Variants in CDH12 observed in about 807,000 individuals in gnomAD.
CDH12 encodes cadherin-12.
Under a neutral mutation model 74.1 loss-of-function variants are expected in CDH12, and 41 were observed. The observed-to-expected ratio is 0.55, with a 90% CI of 0.43 to 0.72. The LOEUF (loss-of-function observed/expected upper bound fraction) is 0.72, where lower values mean the gene tolerates loss of function less well. CDH12 is among the 30% of genes least tolerant of loss of function. The pLI is 0.00. For missense variants in CDH12, 945 were observed against 977.2 expected (o/e 0.97, Z 0.44); for synonymous variants, 399 against 355.0 (o/e 1.12, Z -1.39).
chr5:21,807,789 G>C (rs1462301372), intron 9 of CDH12, among the ~76,000 whole-genome samples: 2 of 152,016 alleles, frequency 1.3e-5, no homozygotes, highest in Non-Finnish European at 2.9e-5. Flanking sequence ...TTGTGTGAGA[G>C]GCCTGTAAAT....
At chr5:21,829,383 T>C (rs1748878145) in intron 8 of CDH12, among the ~76,000 whole-genome samples, 1 of 152,212 alleles carries the variant, frequency 6.6e-6, no homozygotes, top group South Asian at 2.1e-4. Flanking sequence ...GAAATTAAAA[T>C]TGTATCTTCT....
chr5:22,815,531 A>T (rs1749345069), intron 1 of CDH12, among the ~76,000 whole-genome samples: 1 of 152,132 alleles, frequency 6.6e-6, no homozygotes, highest in Admixed American at 6.5e-5. Flanking sequence ...GCACTTTGGG[A>T]GGCTGAGGGG....
chr5:22,171,388 G>C (rs548904814), intron 4 of CDH12, among the ~76,000 whole-genome samples: 1 of 151,868 alleles, frequency 6.6e-6, no homozygotes, highest in Non-Finnish European at 1.5e-5. Flanking sequence ...TGTAATACCA[G>C]TGACTGACTG....
chr5:22,226,686 C>T (rs1036375940), intron 3 of CDH12, among the ~76,000 whole-genome samples: 3 of 152,102 alleles, frequency 2.0e-5, no homozygotes, highest in African/African-American at 7.2e-5. Context: ...TAACGTGTTA[C>T]ACAGCTTAAG....
At chr5:22,515,293 A>G (rs1032211889) in intron 1 of CDH12, among the ~76,000 whole-genome samples, 1 of 152,118 alleles carries the variant, frequency 6.6e-6, no homozygotes, top group Non-Finnish European at 1.5e-5. Flanking sequence ...ATTTTTCCCC[A>G]TGGAACTTGT....
intron 1 of CDH12, among the ~76,000 whole-genome samples, chr5:22,529,140 T>C (rs895958116): frequency 3.9e-4 from 53 of 135,450 alleles, no homozygotes; most frequent in Admixed American, 8.1e-4. Flanking sequence ...TATATGCATA[T>C]ATATACACAT....
At chr5:22,069,904 AGG>A (rs1741826112) in intron 5 of CDH12, among the ~76,000 whole-genome samples, 2 of 152,158 alleles carry the variant, frequency 1.3e-5, no homozygotes, top group Admixed American at 6.6e-5. Context: ...TCAGAAATTA[AGG>A]TTTTGTCTCC....
intron 3 of CDH12, among the ~76,000 whole-genome samples, chr5:22,282,841 A>T (rs1357379575): frequency 6.6e-6 from 1 of 152,018 alleles, no homozygotes; most frequent in Non-Finnish European, 1.5e-5. Flanking sequence ...TGATTCCTAA[A>T]GGACCTACAA....
intron 2 of CDH12, among the ~76,000 whole-genome samples, chr5:22,497,803 G>A (rs1049804985): frequency 3.3e-5 from 5 of 151,480 alleles, no homozygotes; most frequent in Non-Finnish European, 5.9e-5. Flanking sequence ...CGTCCACACC[G>A]GGATAATTTT....
chr5:22,041,983 A>G (rs1739605284), intron 5 of CDH12, among the ~76,000 whole-genome samples: 1 of 152,224 alleles, frequency 6.6e-6, no homozygotes, highest in Non-Finnish European at 1.5e-5. Flanking sequence ...GTATGAAACT[A>G]GACATCGATG....
At chr5:21,799,554 T>G (rs1579723895) in intron 10 of CDH12, among the ~76,000 whole-genome samples, 1 of 152,110 alleles carries the variant, frequency 6.6e-6, no homozygotes, top group African/African-American at 2.4e-5. Context: ...GGAAAACAGA[T>G]GAGATTATAA....
intron 1 of CDH12, among the ~76,000 whole-genome samples, chr5:22,741,789 G>T (rs150507860): frequency 6.6e-6 from 1 of 152,134 alleles, no homozygotes; most frequent in African/African-American, 2.4e-5. Flanking sequence ...CAAGTGCAAG[G>T]GTTTACCACC....
intron 1 of CDH12, among the ~76,000 whole-genome samples, chr5:22,763,370 C>A (rs1446172708): frequency 6.6e-6 from 1 of 151,746 alleles, no homozygotes; most frequent in Non-Finnish European, 1.5e-5. Flanking sequence ...CACTGTTTAC[C>A]CCCTTTCATG....
intron 1 of CDH12, among the ~76,000 whole-genome samples, chr5:22,850,473 T>G (rs914333643): frequency 1.3e-5 from 2 of 152,098 alleles, no homozygotes; most frequent in Non-Finnish European, 2.9e-5. Flanking sequence ...AATGTATTTT[T>G]GGGTACTATT....
At chr5:22,319,278 G>T (rs958702433) in intron 3 of CDH12, among the ~76,000 whole-genome samples, 1 of 152,188 alleles carries the variant, frequency 6.6e-6, no homozygotes, top group African/African-American at 2.4e-5. Context: ...GAGAAGAATA[G>T]AGTGCAGCAG....
chr5:21,751,643 T>TGTGTGTGTGTGC lies in CDH12; in HGVS notation c.*93_*94insGCACACACACAC. The TGTGTGTGTGTGC allele has an allele frequency of 1.1e-6, 1 of 878,174 alleles. No homozygotes were observed. The highest frequency in any genetic ancestry group is 1.7e-5 in the African/African-American group (1 of 58,924). 54.4% of individuals were successfully genotyped at this position (878,174 alleles called of 1,614,324 possible). A position where few individuals can be genotyped will look rare whatever the true frequency, so the allele number is the denominator to read the frequency against. ...GTGTGTGTGTGTGTTTGTGTGTGTGTGTGTGTGTGAGAGAGATTTCTATTA... is the reference window on the plus strand; with the variant it reads ...GTGTGTGTGTGTGTTTGTGTGTGTGTGTGTGTGTGTGCGTGTGTGTGAGAGAGATTTCTATTA... On this transcript the variant is annotated 3_prime_UTR_variant, in exon 15 of 15. Coordinates refer to ENST00000382254, the MANE Select transcript of CDH12 (RefSeq NM_004061.5).
chr5:22,625,224 G>A (rs948858388), intron 1 of CDH12, among the ~76,000 whole-genome samples: 1 of 152,116 alleles, frequency 6.6e-6, no homozygotes, highest in African/African-American at 2.4e-5. Flanking sequence ...ATGAGTTTAT[G>A]CAGGACACCA....
chr5:22,082,379 A>G (rs1388311024), intron 4 of CDH12, among the ~76,000 whole-genome samples: 2 of 152,138 alleles, frequency 1.3e-5, no homozygotes, highest in African/African-American at 4.8e-5. Flanking sequence ...GCTTTCTTGA[A>G]CATAAGCACT....
At chr5:21,764,913 C>A in intron 12 of CDH12, 65 bp downstream of exon 12, 1 of 1,495,326 alleles carries the variant, frequency 6.7e-7, no homozygotes, top group Non-Finnish European at 9.3e-7. Flanking sequence ...CATGTCTGGA[C>A]TTATAACTTA....
Sources: gnomAD v4.1 joint callset for allele counts (sites outside exome capture counted in the v4.1 genomes callset) on GRCh38, gnomAD v4.1.1 for gene constraint, MANE v1.5 for transcripts, NCBI Gene and HGNC (gene_info 2026-07-23, HGNC 2026-07-21) for gene names.